STPG2: variants seen among roughly 807,000 people sequenced by gnomAD.
STPG2 encodes the protein sperm tail PG-rich repeat containing 2.
A neutral mutation model predicts 54.2 loss-of-function variants in STPG2; 56 were observed. That is an observed-to-expected ratio of 1.03 (90% CI 0.83 to 1.29). STPG2 has a LOEUF of 1.29. STPG2 is among the 50% of genes most tolerant of loss of function. The probability of loss-of-function intolerance (pLI) is 0.00; values close to 1 mark genes in which losing one functional copy is unlikely to be tolerated. For missense variants in STPG2, 596 were observed against 544.9 expected (o/e 1.09, Z -0.93); for synonymous variants, 200 against 181.8 (o/e 1.10, Z -0.81).
chr4:97,796,142 C>T (rs1727167757), intron 9 of STPG2, among the ~76,000 whole-genome samples: 1 of 152,112 alleles, frequency 6.6e-6, no homozygotes, highest in Non-Finnish European at 1.5e-5. Context: ...TTCTCCCATT[C>T]TGTAGGTTGC....
intron 4 of STPG2, among the ~76,000 whole-genome samples, chr4:97,537,927 C>A (rs1443351629): frequency 2.0e-5 from 3 of 152,176 alleles, no homozygotes; most frequent in Non-Finnish European, 2.9e-5. Flanking sequence ...GATACCCAGG[C>A]AAACAGGGTC....
At chr4:97,587,034 T>C (rs1733019245) in intron 10 of STPG2, among the ~76,000 whole-genome samples, 2 of 151,960 alleles carry the variant, frequency 1.3e-5, no homozygotes, top group African/African-American at 4.8e-5. Flanking sequence ...TCAAAGTGGC[T>C]ATAAAGGTAA....
At chr4:97,491,935 T>C (rs1471686806) in intron 4 of STPG2, among the ~76,000 whole-genome samples, 1 of 151,400 alleles carries the variant, frequency 6.6e-6, no homozygotes, top group African/African-American at 2.4e-5. Context: ...GGCAAGGGGA[T>C]AGTGAAGAGA....
intron 9 of STPG2, among the ~76,000 whole-genome samples, chr4:97,746,459 T>A (rs950416333): frequency 6.6e-6 from 1 of 151,204 alleles, no homozygotes; most frequent in African/African-American, 2.4e-5. Context: ...ATTTCTCCAA[T>A]TGACAGAAAC....
chr4:97,938,192 G>A lies in STPG2; in HGVS notation c.1044+5705C>T, dbSNP rs527937602. ...TGATCTGCCACAGCTGGTATGCTGC[G>A]CTGTGGGGAATATCTCCTGGAACCA... On this transcript the variant is annotated intron_variant, in intron 8 of 10. Coordinates refer to ENST00000295268, the MANE Select transcript of STPG2 (RefSeq NM_174952.3). 4.6e-5 allele frequency among the ~76,000 whole-genome samples: 7 copies of A among 152,294 alleles called. No individual in the cohort carries two copies. The South Asian group carries it at 6.2e-4, about 14-fold the overall frequency.
At chr4:97,721,198 G>T (rs11725607) in intron 9 of STPG2, among the ~76,000 whole-genome samples, 3 of 151,768 alleles carry the variant, frequency 2.0e-5, no homozygotes, top group African/African-American at 7.3e-5. Flanking sequence ...AAGTAAAAAC[G>T]AATTGCTCAA....
chr4:97,782,887 T>C (rs935147104), intron 9 of STPG2, among the ~76,000 whole-genome samples: 2 of 152,138 alleles, frequency 1.3e-5, no homozygotes, highest in African/African-American at 2.4e-5. Flanking sequence ...ATGTAGAAAG[T>C]TGAAACTGGA....
intron 4 of STPG2, among the ~76,000 whole-genome samples, chr4:97,536,072 T>A (rs573096676): frequency 2.6e-5 from 4 of 152,336 alleles, no homozygotes; most frequent in African/African-American, 9.6e-5. Flanking sequence ...AACTCCTAAC[T>A]TCAAATGATC....
At chr4:98,033,380 T>A (rs28797607) in intron 5 of STPG2, among the ~76,000 whole-genome samples, 1 of 151,382 alleles carries the variant, frequency 6.6e-6, no homozygotes, top group Admixed American at 6.6e-5. Context: ...TCCGGACACA[T>A]ACAACCCCCA....
At chr4:98,123,219 G>C (rs989528580) in intron 3 of STPG2, among the ~76,000 whole-genome samples, 1 of 151,858 alleles carries the variant, frequency 6.6e-6, no homozygotes, top group Non-Finnish European at 1.5e-5. Context: ...AATATTTCTT[G>C]TCTTCTGCTA....
At chr4:97,881,226 CA>C (rs1249020444) in intron 8 of STPG2, among the ~76,000 whole-genome samples, 4 of 152,118 alleles carry the variant, frequency 2.6e-5, no homozygotes, top group African/African-American at 9.6e-5. Flanking sequence ...CCTTCTCTAA[CA>C]GAGCTCATCT....
chr4:97,945,255 G>C (rs1485270436), intron 7 of STPG2, among the ~76,000 whole-genome samples: 3 of 151,852 alleles, frequency 2.0e-5, no homozygotes, highest in Non-Finnish European at 4.4e-5. Context: ...ATATCACTCT[G>C]TGTGTCTTTG....
At chr4:97,755,774 A>G (rs1398294768) in intron 9 of STPG2, among the ~76,000 whole-genome samples, 4 of 152,188 alleles carry the variant, frequency 2.6e-5, no homozygotes, top group Non-Finnish European at 4.4e-5. Flanking sequence ...ATGACCCTCT[A>G]TGAAAGATGT....
At chr4:97,818,011 C>T (rs1727967124) in intron 9 of STPG2, among the ~76,000 whole-genome samples, 1 of 151,682 alleles carries the variant, frequency 6.6e-6, no homozygotes, top group Non-Finnish European at 1.5e-5. Flanking sequence ...GTTTTTTTGG[C>T]CATTTCCTTC....
chr4:97,729,042 T>C (rs1724709757), intron 9 of STPG2, among the ~76,000 whole-genome samples: 1 of 137,150 alleles, frequency 7.3e-6, no homozygotes, highest in Non-Finnish European at 1.6e-5. Flanking sequence ...TTCATTCCAC[T>C]GATGACAAGG....
At chr4:97,917,558 TC>T (rs1194830685) in intron 8 of STPG2, among the ~76,000 whole-genome samples, 1 of 152,152 alleles carries the variant, frequency 6.6e-6, no homozygotes, top group African/African-American at 2.4e-5. Flanking sequence ...AAAAAAAAAT[TC>T]AAAACATAAT....
chr4:97,955,611 CAAAATACATAAAAGAT>C (rs1356781959), intron 7 of STPG2, among the ~76,000 whole-genome samples: 5 of 151,960 alleles, frequency 3.3e-5, no homozygotes, highest in Non-Finnish European at 7.4e-5. Flanking sequence ...AAAAATATGA[CAAAATACATAAAAGAT>C]AATAGCCAAG....
At position 97,560,658 on chromosome 4, in the gene STPG2, TA is replaced by T. The variant is rs199844945; in HGVS notation, c.1321-1542del. ...AAGTACCCATAGGCAAAAATCAAAG[TA>T]AAACAAAACAAAACAATGAGAAAGC... On this transcript the variant is annotated intron_variant, in intron 10 of 10. Transcript: ENST00000295268. 2.3e-3 allele frequency among the ~76,000 whole-genome samples: 346 copies of T among 152,118 alleles called. 9 individuals carry two copies. The East Asian group carries it at 0.057, about 25-fold the overall frequency.
chr4:97,937,954 T>C (rs1286308323), intron 8 of STPG2, among the ~76,000 whole-genome samples: 3 of 152,288 alleles, frequency 2.0e-5, no homozygotes, highest in African/African-American at 4.8e-5. Context: ...CCCACTCATC[T>C]GGGCTGCTAG....
Sources: allele counts gnomAD v4.1 joint callset (sites outside exome capture counted in the v4.1 genomes callset), GRCh38; gene constraint gnomAD v4.1.1; transcripts MANE v1.5; gene names NCBI Gene and HGNC (gene_info 2026-07-23, HGNC 2026-07-21).